Variants in ERG observed in about 807,000 individuals in gnomAD.
ERG encodes transcriptional regulator ERG.
A neutral mutation model predicts 55.3 loss-of-function variants in ERG; 9 were observed. That is an observed-to-expected ratio of 0.16 (90% CI 0.10 to 0.28). The LOEUF (loss-of-function observed/expected upper bound fraction) is 0.28. ERG is among the 10% of genes least tolerant of loss of function. ERG has a pLI of 1.00. For missense variants in ERG, 434 were observed against 631.6 expected, an observed-to-expected ratio of 0.69 and a Z score of 3.35; for synonymous variants, 223 against 237.3, an observed-to-expected ratio of 0.94 and a Z score of 0.55.
chr21:38,421,175 C>T (rs1989524637), intron 3 of ERG, among the ~76,000 whole-genome samples: 1 of 152,196 alleles, frequency 6.6e-6, no homozygotes, highest in African/African-American at 2.4e-5. Context: ...GCAAGTGAGG[C>T]AGTCTCAGGC....
At chr21:38,630,530 A>C (rs532183238) in intron 1 of ERG, among the ~76,000 whole-genome samples, 1 of 152,330 alleles carries the variant, frequency 6.6e-6, no homozygotes, top group South Asian at 2.1e-4. Flanking sequence ...ACTTTCTGGA[A>C]GTGGCACACA....
intron 1 of ERG, among the ~76,000 whole-genome samples, chr21:38,661,058 G>A (rs1347114300): frequency 6.6e-6 from 1 of 151,874 alleles, no homozygotes. Context: ...CGGAGGAGCA[G>A]AGGCTGGGAC....
chr21:38,393,306 GTCATT>G (rs1988061187), intron 6 of ERG, among the ~76,000 whole-genome samples: 1 of 152,186 alleles, frequency 6.6e-6, no homozygotes. Flanking sequence ...AAAGCTCTAT[GTCATT>G]TCAAGTTTGT....
intron 2 of ERG, among the ~76,000 whole-genome samples, chr21:38,430,398 A>C (rs1332826913): frequency 6.6e-6 from 1 of 152,186 alleles, no homozygotes; most frequent in Non-Finnish European, 1.5e-5. Context: ...GCTGTGAAGA[A>C]AGTTTTTGGT....
chr21:38,515,958 A>G, intron 2 of ERG, among the ~76,000 whole-genome samples: 1 of 152,074 alleles, frequency 6.6e-6, no homozygotes, highest in Non-Finnish European at 1.5e-5. Flanking sequence ...GCTCTCAACA[A>G]ACTAGGTACA....
intron 1 of ERG, among the ~76,000 whole-genome samples, chr21:38,463,185 G>T (rs1005836067): frequency 6.6e-6 from 1 of 152,198 alleles, no homozygotes; most frequent in South Asian, 2.1e-4. Flanking sequence ...GACACTGAAA[G>T]GTCCTCCCTG....
the ERG span, among the ~76,000 whole-genome samples, chr21:38,368,638 AG>A: frequency 2.0e-5 from 3 of 152,232 alleles, no homozygotes; most frequent in African/African-American, 7.2e-5. Context: ...TTTTGAGTTC[AG>A]GGGTACAAGT....
In ERG at chr21:38,469,022, T is replaced by G. The variant is rs2059117180; in HGVS notation, c.19-23401A>C. 3.9e-5 allele frequency among the ~76,000 whole-genome samples: 5 copies of G among 126,766 alleles called. No homozygotes were observed. In the South Asian group the frequency reaches 7.4e-4, roughly 19 times the overall value. The allele number at this position is 126,766 out of a possible 152,430, so 83.2% of individuals were successfully genotyped here. A position where few individuals can be genotyped will look rare whatever the true frequency, so the allele number is the denominator to read the frequency against. The stretch of plus-strand genomic sequence containing the variant: ...AAAAAGAAAAAAAAAAAAGAAAATG[T>G]GGCTTCAAGACCAGAACTCTAGCCC... On this transcript the variant is annotated intron_variant, in intron 1 of 9. Coordinates refer to ENST00000288319, the MANE Select transcript of ERG (RefSeq NM_182918.4).
At chr21:38,661,588 G>C (rs1373962143) in intron 1 of ERG, 1 of 152,236 alleles carries the variant, frequency 6.6e-6, no homozygotes, top group African/African-American at 2.4e-5. Context: ...TCCGCCTCCG[G>C]GGCTCGGGGC....
chr21:38,405,953 C>A (rs1041716599), intron 3 of ERG, among the ~76,000 whole-genome samples: 4 of 152,088 alleles, frequency 2.6e-5, no homozygotes, highest in African/African-American at 9.6e-5. Flanking sequence ...GAGATCGAGA[C>A]CATCCTGGCT....
At chr21:38,583,228 C>T (rs1262276496) in intron 1 of ERG, among the ~76,000 whole-genome samples, 1 of 152,130 alleles carries the variant, frequency 6.6e-6, no homozygotes, top group East Asian at 1.9e-4. Flanking sequence ...TCCTGCCAAG[C>T]ACACCAGGCC....
intron 1 of ERG, among the ~76,000 whole-genome samples, chr21:38,630,140 G>GT (rs1291324516): frequency 1.3e-5 from 2 of 152,042 alleles, no homozygotes; most frequent in Non-Finnish European, 2.9e-5. Flanking sequence ...CAGGTAAAGA[G>GT]TTTTTTGGGG....
intron 1 of ERG, among the ~76,000 whole-genome samples, chr21:38,597,624 G>C (rs561316583): frequency 6.6e-6 from 1 of 152,094 alleles, no homozygotes; most frequent in Non-Finnish European, 1.5e-5. Flanking sequence ...TCCTGGGAAC[G>C]AGGCATGAGC....
At chr21:38,455,110 CTTTCTTTCT>C (rs1012585726) in intron 1 of ERG, among the ~76,000 whole-genome samples, 3 of 41,262 alleles carry the variant, frequency 7.3e-5, no homozygotes, top group African/African-American at 1.4e-4. Context: ...TTCTTTCTTT[CTTTCTTTCT>C]TTTTTTTTTT....
chr21:38,636,693 G>A (rs1027979463), intron 1 of ERG, among the ~76,000 whole-genome samples: 2 of 152,036 alleles, frequency 1.3e-5, no homozygotes. Flanking sequence ...TCTCCCACCT[G>A]GGCTGGCTGC....
At chr21:38,396,501 C>G (rs1988224248) in intron 6 of ERG, among the ~76,000 whole-genome samples, 1 of 152,196 alleles carries the variant, frequency 6.6e-6, no homozygotes, top group South Asian at 2.1e-4. Flanking sequence ...TCCAAGAAAC[C>G]CCTGAAGAGC....
chr21:38,376,032 T>G (rs775335404), downstream of ERG, among the ~76,000 whole-genome samples: 29 of 152,244 alleles, frequency 1.9e-4, no homozygotes, highest in Non-Finnish European at 3.5e-4. Context: ...CATCCTATGA[T>G]CTTAACAAGT....
At chr21:38,639,651 T>C (rs2060411471) in intron 1 of ERG, among the ~76,000 whole-genome samples, 1 of 152,132 alleles carries the variant, frequency 6.6e-6, no homozygotes, top group African/African-American at 2.4e-5. Flanking sequence ...GACACTGAGA[T>C]GAAAGAGAAA....
At chr21:38,423,590 T>C (rs1487507180) in intron 2 of ERG, 29 bp from the exon 3 acceptor site, 2 of 1,589,602 alleles carry the variant, frequency 1.3e-6, no homozygotes, top group South Asian at 1.1e-5. Flanking sequence ...TCTTCCATTA[T>C]AACAGCAATC....
Sources: gnomAD v4.1 joint callset for allele counts (sites outside exome capture counted in the v4.1 genomes callset) on GRCh38, gnomAD v4.1.1 for gene constraint, MANE v1.5 for transcripts, NCBI Gene and HGNC (gene_info 2026-07-23, HGNC 2026-07-21) for gene names.